Variants in DLGAP2 observed in about 807,000 individuals in gnomAD.
The protein encoded by DLGAP2 is disks large-associated protein 2.
In DLGAP2, 26 loss-of-function variants were observed where a neutral mutation model predicts 100.3. That is an observed-to-expected ratio of 0.26 (90% confidence interval 0.19 to 0.36). DLGAP2 has a LOEUF of 0.36. Among genes scored for constraint, DLGAP2 ranks in the 10% least tolerant of loss-of-function variants. The pLI is 1.00. For synonymous variants in DLGAP2, 886 were observed against 630.1 expected, an observed-to-expected ratio of 1.41 and a Z score of -6.08; for missense variants, 1,858 against 1,453.2, an observed-to-expected ratio of 1.28 and a Z score of -4.53.
At chr8:1,547,606 A>AG (rs1167709629) in intron 4 of DLGAP2, among the ~76,000 whole-genome samples, 4 of 152,094 alleles carry the variant, frequency 2.6e-5, no homozygotes, top group African/African-American at 9.7e-5. Context: ...CCTTCTCTGC[A>AG]GGTCACCCCA....
At chr8:744,783 G>A (rs772008213) in intron 1 of DLGAP2, among the ~76,000 whole-genome samples, 4 of 152,218 alleles carry the variant, frequency 2.6e-5, no homozygotes, top group Non-Finnish European at 4.4e-5. Flanking sequence ...ACCCACACTG[G>A]ACGGTGCTTT....
In DLGAP2 at chr8:927,329, A is replaced by C. The variant is rs1162650440; in HGVS notation, c.73+19363A>C. The C allele has an allele frequency of 5.5e-6, 4 of 727,594 alleles. No homozygotes were observed. The East Asian group carries it at 5.3e-4, about 96-fold the overall frequency. The allele number at this position is 727,594 out of a possible 1,614,324, so 45.1% of individuals were successfully genotyped here. Reference sequence around the variant, plus strand: ...TTTCTTACTTGAACATGTTGATTCAATGACTAAAAATGACCGTGACTGTAG... The same window carrying C: ...TTTCTTACTTGAACATGTTGATTCACTGACTAAAAATGACCGTGACTGTAG... On this transcript the variant is annotated intron_variant, in intron 2 of 14. Transcript: ENST00000637795.
At chr8:1,023,607 G>A (rs6559205) in intron 2 of DLGAP2, among the ~76,000 whole-genome samples, 52,085 of 151,246 alleles carry the variant, frequency 0.34, 9,926 homozygotes, top group East Asian at 0.52. Context: ...GGCAGGCCCC[G>A]TTTGTTCCTG....
At chr8:1,304,310 G>C (rs1273490833) in intron 3 of DLGAP2, among the ~76,000 whole-genome samples, 3 of 152,300 alleles carry the variant, frequency 2.0e-5, no homozygotes, top group East Asian at 3.9e-4. Context: ...AGGTGCAGCT[G>C]GCCCTGATGA....
At position 1,164,489 on chromosome 8, in the gene DLGAP2, G is replaced by T. The variant is rs867250430; in HGVS notation, c.74-94362G>T. 1.8e-4 allele frequency among the ~76,000 whole-genome samples: 27 copies of T among 151,894 alleles called. No homozygotes were observed. In the South Asian group the frequency reaches 2.3e-3, roughly 13 times the overall value. ...CTCACTGGCTGACGTCCTGTTGGGG[G>T]AGTTAACCAGGTAACCAGGTTGGGC... On this transcript the variant is annotated intron_variant, in intron 2 of 14. Coordinates refer to ENST00000637795, the MANE Select transcript of DLGAP2 (RefSeq NM_001346810.2).
chr8:1,659,824 G>A (rs1442750758), intron 8 of DLGAP2, among the ~76,000 whole-genome samples: 1 of 151,912 alleles, frequency 6.6e-6, no homozygotes, highest in African/African-American at 2.4e-5. Context: ...TTTTAACTGG[G>A]GCATTTAGCC....
At chr8:1,418,776 C>G (rs558144090) in intron 3 of DLGAP2, among the ~76,000 whole-genome samples, 1 of 152,296 alleles carries the variant, frequency 6.6e-6, no homozygotes, top group South Asian at 2.1e-4. Context: ...CTGTCCTGAC[C>G]CTGACCACCT....
chr8:1,696,165 C>G (rs1297199081), intron 13 of DLGAP2, among the ~76,000 whole-genome samples: 1 of 152,208 alleles, frequency 6.6e-6, no homozygotes, highest in Admixed American at 6.5e-5. Flanking sequence ...TAAATCCCCA[C>G]TGAATCAAGG....
At chr8:1,488,417 A>C (rs1361601785) in intron 3 of DLGAP2, among the ~76,000 whole-genome samples, 1 of 152,170 alleles carries the variant, frequency 6.6e-6, no homozygotes, top group Non-Finnish European at 1.5e-5. Context: ...GAGTGGCTTA[A>C]AGAGAAAGAG....
intron 2 of DLGAP2, among the ~76,000 whole-genome samples, chr8:958,581 C>CAAAAA (rs1563114216): frequency 1.0e-4 from 8 of 78,036 alleles, no homozygotes; most frequent in Admixed American, 1.6e-4. Flanking sequence ...AACTAGACCT[C>CAAAAA]CAAAAAAAAA....
At chr8:913,472 A>T (rs115643068) in intron 2 of DLGAP2, among the ~76,000 whole-genome samples, 1 of 152,210 alleles carries the variant, frequency 6.6e-6, no homozygotes, top group Non-Finnish European at 1.5e-5. Context: ...GTGAGCGTAT[A>T]TGTTGAAATG....
At chr8:1,011,570 A>G (rs1233429392) in intron 2 of DLGAP2, among the ~76,000 whole-genome samples, 6 of 127,008 alleles carry the variant, frequency 4.7e-5, no homozygotes, top group East Asian at 2.7e-4. Context: ...TGGAATGAGG[A>G]GTCTCAGTCT....
chr8:1,254,921 C>CTG (rs1475793174), intron 2 of DLGAP2, among the ~76,000 whole-genome samples: 2 of 145,780 alleles, frequency 1.4e-5, no homozygotes, highest in African/African-American at 5.6e-5. Flanking sequence ...TGCCCAGGTG[C>CTG]TGTGTGTGTG....
At chr8:1,645,171 T>G (rs1798012649) in intron 8 of DLGAP2, among the ~76,000 whole-genome samples, 3 of 152,262 alleles carry the variant, frequency 2.0e-5, no homozygotes. Flanking sequence ...TCAACATCAG[T>G]ACAGACCACC....
At chr8:1,566,220 G>C (rs1802395658) in intron 6 of DLGAP2, among the ~76,000 whole-genome samples, 1 of 152,152 alleles carries the variant, frequency 6.6e-6, no homozygotes, top group African/African-American at 2.4e-5. Flanking sequence ...ATGAATGTGT[G>C]CGTATGGGTG....
chr8:970,430 C>T (rs759022070), intron 2 of DLGAP2, among the ~76,000 whole-genome samples: 5 of 152,192 alleles, frequency 3.3e-5, no homozygotes, highest in African/African-American at 4.8e-5. Flanking sequence ...CAACGTTTAT[C>T]AGCCCACCAG....
At chr8:1,615,955 C>G (rs1396331433) in intron 6 of DLGAP2, among the ~76,000 whole-genome samples, 1 of 151,868 alleles carries the variant, frequency 6.6e-6, no homozygotes, top group Non-Finnish European at 1.5e-5. Context: ...TTAAAGCAGC[C>G]GTTGTAAGGT....
chr8:1,660,381 AC>A (rs1452259052), intron 8 of DLGAP2, among the ~76,000 whole-genome samples: 4 of 152,214 alleles, frequency 2.6e-5, no homozygotes, highest in Non-Finnish European at 5.9e-5. Context: ...TCTGCTATAA[AC>A]AATCCATTCA....
intron 2 of DLGAP2, chr8:927,190 T>G: frequency 1.0e-6 from 1 of 985,412 alleles, no homozygotes; most frequent in African/African-American, 1.7e-5. Flanking sequence ...TCAGGAAAAC[T>G]CCTACAAAGG....
Sources: allele counts gnomAD v4.1 joint callset (sites outside exome capture counted in the v4.1 genomes callset), GRCh38; gene constraint gnomAD v4.1.1; transcripts MANE v1.5; gene names NCBI Gene and HGNC (gene_info 2026-07-23, HGNC 2026-07-21).